The following IFT74 variants were observed in gnomAD, a reference collection of about 807,000 sequenced individuals.
IFT74 encodes intraflagellar transport protein 74 homolog.
A neutral mutation model predicts 96.7 loss-of-function variants in IFT74; 92 were observed. The observed-to-expected ratio is 0.95, with a 90% CI of 0.80 to 1.13. IFT74 has a LOEUF of 1.13. Ranked by LOEUF, IFT74 falls within the 50% of genes most tolerant of loss-of-function variation. The pLI, the probability that IFT74 is intolerant of heterozygous loss-of-function variation, is 0.00. For missense variants in IFT74, 811 were observed against 698.2 expected (o/e 1.16, Z -1.82); for synonymous variants, 223 against 213.2 (o/e 1.05, Z -0.40).
intron 10 of IFT74, among the ~76,000 whole-genome samples, chr9:27,016,358 C>T (rs1348838041): frequency 6.6e-6 from 1 of 152,130 alleles, no homozygotes; most frequent in Admixed American, 6.5e-5. Flanking sequence ...GATTAGGGCC[C>T]ACCCCTAATG....
intron 10 of IFT74, among the ~76,000 whole-genome samples, 161 bp downstream of exon 10, chr9:27,012,129 T>C (rs1829110253): frequency 6.6e-6 from 1 of 152,178 alleles, no homozygotes; most frequent in South Asian, 2.1e-4. Flanking sequence ...AAGATCCTAG[T>C]ATGGTAAGAA....
At chr9:26,966,364 G>A (rs1367329796) in intron 2 of IFT74, among the ~76,000 whole-genome samples, 7 of 151,686 alleles carry the variant, frequency 4.6e-5, no homozygotes, top group Non-Finnish European at 8.8e-5. Flanking sequence ...GATAAAAGTC[G>A]TTTTAACTGG....
intron 12 of IFT74, among the ~76,000 whole-genome samples, chr9:27,024,682 A>G (rs1442411193): frequency 6.6e-6 from 1 of 152,192 alleles, no homozygotes; most frequent in Non-Finnish European, 1.5e-5. Flanking sequence ...GAATTGACAG[A>G]AAAAGAATTC....
At chr9:26,995,701 A>G (rs369739393) in intron 8 of IFT74, 15 of 1,613,764 alleles carry the variant, frequency 9.3e-6, no homozygotes, top group African/African-American at 1.3e-5. Flanking sequence ...TTTCTGCTTC[A>G]TGCTCTTCCA....
intron 10 of IFT74, among the ~76,000 whole-genome samples, chr9:27,013,208 T>C (rs1829192680): frequency 6.6e-6 from 1 of 152,180 alleles, no homozygotes. Context: ...CGTGCTATGC[T>C]AGCTGCAGCT....
chr9:26,979,703 CTTT>C (rs951706952), intron 3 of IFT74, among the ~76,000 whole-genome samples: 2 of 75,488 alleles, frequency 2.6e-5, no homozygotes, highest in African/African-American at 1.0e-4. Flanking sequence ...GGAACACTTT[CTTT>C]TTTTTTTTTT....
chr9:27,027,159 A>T (rs983393644), intron 12 of IFT74, among the ~76,000 whole-genome samples: 1 of 152,162 alleles, frequency 6.6e-6, no homozygotes, highest in African/African-American at 2.4e-5. Context: ...TACCACAGAA[A>T]TACAAAAGAC....
At chr9:26,956,015 C>A (rs1826077226), upstream of IFT74, 1 of 152,128 alleles carries the variant, frequency 6.6e-6, no homozygotes, top group Non-Finnish European at 1.5e-5. Flanking sequence ...GCTATGCCGT[C>A]CTAATAGGAA....
chr9:27,042,492 G>A (rs149836940), intron 13 of IFT74, among the ~76,000 whole-genome samples: 79 of 152,250 alleles, frequency 5.2e-4, no homozygotes, highest in Non-Finnish European at 7.9e-4. Flanking sequence ...ACTGACTGCC[G>A]TTTGAATTTG....
intron 10 of IFT74, among the ~76,000 whole-genome samples, chr9:27,016,594 A>G (rs1282165554): frequency 6.6e-6 from 1 of 152,192 alleles, no homozygotes; most frequent in East Asian, 1.9e-4. Flanking sequence ...AGTTGTACAT[A>G]TGTTTTGACA....
chr9:27,035,514 A>AC lies in IFT74; in HGVS notation c.1054+6414dup, dbSNP rs1217806297. 7.9e-5 allele frequency among the ~76,000 whole-genome samples: 12 copies of AC among 152,342 alleles called. No homozygotes were observed. The South Asian group carries it at 2.5e-3, about 32-fold the overall frequency. Reference sequence around the variant, plus strand: ...TTAGAAATGCAAATTCTTGGGCTCTACCCCAGACCTATTGAATTTGAAACC... The same window carrying AC: ...TTAGAAATGCAAATTCTTGGGCTCTACCCCCAGACCTATTGAATTTGAAACC... On this transcript the variant is annotated intron_variant, in intron 13 of 19. Coordinates refer to ENST00000380062, the MANE Select transcript of IFT74 (RefSeq NM_025103.4).
intron 13 of IFT74, among the ~76,000 whole-genome samples, chr9:27,031,615 A>G (rs1276030952): frequency 8.8e-6 from 1 of 114,002 alleles, no homozygotes; most frequent in Non-Finnish European, 2.0e-5. Flanking sequence ...TTTTTTTTTT[A>G]ATGAGATAGG....
At chr9:26,979,714 T>C (rs796562597) in intron 3 of IFT74, among the ~76,000 whole-genome samples, 7 of 136,256 alleles carry the variant, frequency 5.1e-5, no homozygotes, top group South Asian at 5.1e-4. Flanking sequence ...TTTTTTTTTT[T>C]TTTTTTTTTT....
chr9:26,997,234 A>G (rs1021409702), intron 8 of IFT74, among the ~76,000 whole-genome samples: 3 of 149,042 alleles, frequency 2.0e-5, no homozygotes, highest in African/African-American at 7.4e-5. Context: ...AAATTTCTTA[A>G]TTTTTCCCCC....
intron 13 of IFT74, among the ~76,000 whole-genome samples, chr9:27,031,861 C>A (rs1311023309): frequency 6.6e-6 from 1 of 151,944 alleles, no homozygotes; most frequent in East Asian, 1.9e-4. Context: ...GTGCACACCA[C>A]CATGCCCAGC....
intron 1 of IFT74, among the ~76,000 whole-genome samples, chr9:26,960,020 C>G (rs1337279411): frequency 6.6e-6 from 1 of 152,154 alleles, no homozygotes; most frequent in South Asian, 2.1e-4. Flanking sequence ...TCATGAGACA[C>G]TAATTTCTTG....
chr9:27,033,430 G>A (rs1252594248), intron 13 of IFT74, among the ~76,000 whole-genome samples: 1 of 152,066 alleles, frequency 6.6e-6, no homozygotes, highest in Admixed American at 6.6e-5. Context: ...ATGGTGATGT[G>A]TGTTTGACTT....
intron 16 of IFT74, among the ~76,000 whole-genome samples, chr9:27,051,545 A>G (rs1819924244): frequency 6.6e-6 from 1 of 152,206 alleles, no homozygotes; most frequent in Non-Finnish European, 1.5e-5. Context: ...ATCTTGCAGA[A>G]CAAAAACACT....
intron 2 of IFT74, among the ~76,000 whole-genome samples, chr9:26,975,134 G>T (rs7034888): frequency 6.6e-6 from 1 of 152,008 alleles, no homozygotes; most frequent in Non-Finnish European, 1.5e-5. Flanking sequence ...GACCTGAGGC[G>T]GCAGCAGCTG....
Sources: gnomAD v4.1 joint callset for allele counts (sites outside exome capture counted in the v4.1 genomes callset) on GRCh38, gnomAD v4.1.1 for gene constraint, MANE v1.5 for transcripts, NCBI Gene and HGNC (gene_info 2026-07-23, HGNC 2026-07-21) for gene names.